ALK: variants seen among roughly 807,000 people sequenced by gnomAD.
The protein encoded by ALK is ALK tyrosine kinase receptor.
A neutral mutation model predicts 163.1 loss-of-function variants in ALK; 74 were observed. The ratio of observed to expected loss-of-function variants is 0.45; its 90% CI spans 0.38 to 0.55. The LOEUF (loss-of-function observed/expected upper bound fraction) is 0.55. Ranked by LOEUF, ALK falls within the 20% of genes least tolerant of loss-of-function variation. ALK has a pLI of 0.00. For missense variants in ALK, 2,063 were observed against 2,105.3 expected, an observed-to-expected ratio of 0.98 and a Z score of 0.39; for synonymous variants, 960 against 843.2, an observed-to-expected ratio of 1.14 and a Z score of -2.40.
At chr2:29,458,396 C>T (rs1173679260) in intron 4 of ALK, among the ~76,000 whole-genome samples, 1 of 152,092 alleles carries the variant, frequency 6.6e-6, no homozygotes, top group African/African-American at 2.4e-5. Context: ...TGAAGCATTC[C>T]ATTAAGCGTT....
chr2:29,218,208 G>C (rs1007514136), intron 23 of ALK, among the ~76,000 whole-genome samples: 1 of 152,212 alleles, frequency 6.6e-6, no homozygotes, highest in Non-Finnish European at 1.5e-5. Context: ...GACCATGACT[G>C]GGGTGCTGCC....
At chr2:29,893,019 A>G (rs1021966527) in intron 1 of ALK, among the ~76,000 whole-genome samples, 16 of 152,186 alleles carry the variant, frequency 1.1e-4, no homozygotes, top group African/African-American at 3.9e-4. Flanking sequence ...AGGGCACAGT[A>G]CTGCCTTGCG....
At chr2:29,287,941 T>C (rs1056474097) in intron 9 of ALK, among the ~76,000 whole-genome samples, 8 of 152,046 alleles carry the variant, frequency 5.3e-5, no homozygotes, top group East Asian at 3.9e-4. Flanking sequence ...GGAGTGGAGA[T>C]GTAATGTTAC....
rs2148158639 is a variant in ALK, at chr2:29,532,008, T to A, written c.1061A>T (p.His354Leu). Residue 354 changes from histidine (H) to leucine (L), a missense_variant, in exon 4 of 29, where the codon CAC (histidine) becomes CTC (leucine). His to Leu is a moderately conservative substitution (Grantham distance 99). Coordinates refer to ENST00000389048, the MANE Select transcript of ALK (RefSeq NM_004304.5). ...AATGTACCTTCCAGAGGGCTGCAGG[T>A]GCCTGTGCACCGAGACGGCCAGTGT... ...HCTLAVSVHR[H>L]LQPSGRYIAQ... 2 of 1,614,138 alleles carry A rather than the reference T, an allele frequency of 1.2e-6. No individual in the cohort carries two copies. The highest frequency in any genetic ancestry group is 1.7e-6 in the Non-Finnish European group (2 of 1,180,004).
intron 5 of ALK, among the ~76,000 whole-genome samples, chr2:29,376,803 G>T (rs566125854): frequency 8.5e-5 from 13 of 152,194 alleles, no homozygotes; most frequent in Non-Finnish European, 1.8e-4. Flanking sequence ...GATGTTGATT[G>T]GTTCCACATG....
intron 8 of ALK, among the ~76,000 whole-genome samples, chr2:29,304,493 TAAAAAAAAA>T (rs70958256): frequency 8.0e-6 from 1 of 125,440 alleles, no homozygotes. Flanking sequence ...AGACTGTGTC[TAAAAAAAAA>T]AAAAAAAAAG....
intron 1 of ALK, among the ~76,000 whole-genome samples, chr2:29,919,700 C>T (rs923638183): frequency 6.6e-6 from 1 of 152,112 alleles, no homozygotes; most frequent in Non-Finnish European, 1.5e-5. Flanking sequence ...AAGAGGGGCG[C>T]CCAATTTTGT....
At chr2:29,540,170 T>G (rs1673374987) in intron 3 of ALK, among the ~76,000 whole-genome samples, 1 of 152,158 alleles carries the variant, frequency 6.6e-6, no homozygotes, top group Non-Finnish European at 1.5e-5. Flanking sequence ...AAGAAGCCCT[T>G]TAAAAAGTCT....
chr2:29,510,801 G>A (rs1317816227), intron 4 of ALK, among the ~76,000 whole-genome samples: 3 of 152,126 alleles, frequency 2.0e-5, no homozygotes, highest in African/African-American at 7.2e-5. Context: ...AGAGTTGAGA[G>A]AGGAAGAGAA....
chr2:29,509,179 T>C (rs868856255), intron 4 of ALK, among the ~76,000 whole-genome samples: 6 of 152,158 alleles, frequency 3.9e-5, no homozygotes, highest in South Asian at 4.1e-4. Flanking sequence ...AAGCAACTTG[T>C]AGTAAATTTG....
intron 4 of ALK, among the ~76,000 whole-genome samples, chr2:29,493,533 C>T (rs919503947): frequency 3.3e-5 from 5 of 152,168 alleles, no homozygotes; most frequent in African/African-American, 9.7e-5. Context: ...GTCTAGCCTT[C>T]CTGTTTTCTC....
intron 3 of ALK, among the ~76,000 whole-genome samples, chr2:29,665,794 T>A (rs1677496234): frequency 6.6e-6 from 1 of 152,190 alleles, no homozygotes; most frequent in South Asian, 2.1e-4. Context: ...AGCCTGGGAT[T>A]GGAACCTACG....
intron 3 of ALK, among the ~76,000 whole-genome samples, chr2:29,561,909 G>A (rs1175170173): frequency 6.6e-6 from 1 of 152,050 alleles, no homozygotes; most frequent in African/African-American, 2.4e-5. Context: ...TTCTGGGGTG[G>A]GGTCTAAGTA....
chr2:29,668,656 T>C (rs574750041), intron 3 of ALK, among the ~76,000 whole-genome samples: 20 of 152,144 alleles, frequency 1.3e-4, no homozygotes, highest in Non-Finnish European at 2.4e-4. Context: ...CCTTGTTTTG[T>C]GGCCTAACAT....
intron 4 of ALK, among the ~76,000 whole-genome samples, chr2:29,456,475 T>G (rs1156492197): frequency 3.9e-5 from 6 of 152,104 alleles, no homozygotes; most frequent in Non-Finnish European, 7.4e-5. Context: ...AGACAAATAT[T>G]GTATGATACC....
At position 29,769,804 on chromosome 2, in the gene ALK, C is replaced by A. The variant is rs562934064; in HGVS notation, c.668-52107G>T. ...AGGGTAAAGAAAATAAGCAAGCAAA[C>A]AACAGCAACAGCGGTTTAGATACTG... is the stretch of plus-strand genomic sequence containing the variant. On this transcript the variant is annotated intron_variant, in intron 1 of 28. Transcript: ENST00000389048. Among the ~76,000 whole-genome samples the A allele has an allele frequency of 2.6e-5, 4 of 152,304 alleles. No homozygotes were observed. The East Asian group carries it at 7.7e-4, about 29-fold the overall frequency.
chr2:29,493,696 G>A (rs960540469), intron 4 of ALK, among the ~76,000 whole-genome samples: 1 of 152,238 alleles, frequency 6.6e-6, no homozygotes, highest in Non-Finnish European at 1.5e-5. Flanking sequence ...GGAGGATTAA[G>A]TGATGAGGCC....
intron 8 of ALK, among the ~76,000 whole-genome samples, chr2:29,297,347 A>G (rs1333324096): frequency 6.6e-6 from 1 of 152,200 alleles, no homozygotes; most frequent in Non-Finnish European, 1.5e-5. Flanking sequence ...ACCTTTCACA[A>G]GATTCTGCCT....
chr2:29,318,356 G>C lies in ALK; in HGVS notation c.1595C>G (p.Ala532Gly), dbSNP rs2148248132. ...AGGAAACGTAGCACTGGTCACTGTAGCACTTTCAGAAGCGGGGACATCAGT... is the reference window on the plus strand; with the variant it reads ...AGGAAACGTAGCACTGGTCACTGTACCACTTTCAGAAGCGGGGACATCAGT... ...STTDVPASES[A>G]TVTSATFPAP... The change falls in exon 8 of 29, where the codon GCT becomes GGT. Residue 532 changes from alanine (A) to glycine (G), a missense_variant. This residue lies in a region of ALK where 987 missense variants were observed against 939.5 expected (regional missense o/e 1.05). Transcript: ENST00000389048. 1.9e-6 allele frequency: 3 copies of C among 1,614,092 alleles called. No individual in the cohort carries two copies. The highest frequency in any genetic ancestry group is 2.5e-6 in the Non-Finnish European group (3 of 1,179,940).
Sources: allele counts gnomAD v4.1 joint callset (sites outside exome capture counted in the v4.1 genomes callset), GRCh38; gene constraint gnomAD v4.1.1; regional missense constraint gnomAD v4.1.1; transcripts MANE v1.5; gene names NCBI Gene and HGNC (gene_info 2026-07-23, HGNC 2026-07-21).